CAMTA1: variants seen among roughly 807,000 people sequenced by gnomAD.
CAMTA1 encodes calmodulin-binding transcription activator 1.
In CAMTA1, 27 loss-of-function variants were observed where a neutral mutation model predicts 170.9. The observed-to-expected ratio is 0.16, with a 90% CI of 0.12 to 0.22. The LOEUF (loss-of-function observed/expected upper bound fraction) is 0.22, where lower values mean the gene tolerates loss of function less well. CAMTA1 is among the 10% of genes least tolerant of loss of function. The pLI, the probability that CAMTA1 is intolerant of heterozygous loss-of-function variation, is 1.00. For synonymous variants in CAMTA1, 833 were observed against 891.5 expected (o/e 0.93, Z 1.17); for missense variants, 1,619 against 2,217.2 (o/e 0.73, Z 5.42).
chr1:7,521,550 CT>C (rs1038730476), intron 6 of CAMTA1, among the ~76,000 whole-genome samples: 14 of 147,828 alleles, frequency 9.5e-5, no homozygotes, highest in East Asian at 3.9e-4. Flanking sequence ...TCCACAGTTC[CT>C]TTTTTTTTTC....
chr1:6,797,996 ATTT>A lies in CAMTA1; in HGVS notation c.45+12436_45+12438del, dbSNP rs375770205. Among the ~76,000 whole-genome samples, 259 of 141,736 alleles carry A rather than the reference ATTT, an allele frequency of 1.8e-3. 1 individual carries two copies. The highest frequency in any genetic ancestry group is 6.1e-3 in the African/African-American group (236 of 38,844). 93.0% of individuals were successfully genotyped at this position (141,736 alleles called of 152,430 possible). On this transcript the variant is annotated intron_variant, in intron 1 of 22. Coordinates refer to ENST00000303635, the MANE Select transcript of CAMTA1 (RefSeq NM_015215.4). Reference sequence around the variant, plus strand: ...TTTGCAAGTGATAATGAAGAAAGGAATTTTTTTTTTTTTTTTTGAGACAAAGTC... The same window carrying A: ...TTTGCAAGTGATAATGAAGAAAGGAATTTTTTTTTTTTTTGAGACAAAGTC...
chr1:7,398,189 C>CTATA (rs2089549485), intron 5 of CAMTA1, among the ~76,000 whole-genome samples: 9 of 32,318 alleles, frequency 2.8e-4, no homozygotes, highest in South Asian at 1.2e-3. Flanking sequence ...CTCTCTCTCT[C>CTATA]TCTCTATATA....
At chr1:6,855,822 G>A (rs1662117665) in intron 3 of CAMTA1, among the ~76,000 whole-genome samples, 1 of 152,166 alleles carries the variant, frequency 6.6e-6, no homozygotes, top group South Asian at 2.1e-4. Flanking sequence ...AGCAACTGCT[G>A]CCCCTGGGGC....
chr1:7,590,188 C>G lies in CAMTA1; in HGVS notation c.511-50212C>G, dbSNP rs558678133. On this transcript the variant is annotated intron_variant, in intron 6 of 22. Coordinates refer to ENST00000303635, the MANE Select transcript of CAMTA1 (RefSeq NM_015215.4). ...GAGGACATAAGCCCCCAACACGGCC[C>G]TCACAATCAAGGCAGCTCTAGGAGG... Among the ~76,000 whole-genome samples the G allele has an allele frequency of 4.0e-4, 61 of 152,340 alleles. 2 individuals carry two copies. The highest frequency in any genetic ancestry group is 3.4e-3 in the Admixed American group (52 of 15,300).
At chr1:6,888,016 C>G (rs988248117) in intron 3 of CAMTA1, 1 of 1,132,810 alleles carries the variant, frequency 8.8e-7, no homozygotes, top group Non-Finnish European at 1.1e-6. Context: ...ACTCTGTCCC[C>G]TCAGCAAGCT....
At chr1:7,586,811 G>A (rs1388638318) in intron 6 of CAMTA1, among the ~76,000 whole-genome samples, 2 of 152,114 alleles carry the variant, frequency 1.3e-5, no homozygotes, top group East Asian at 3.9e-4. Flanking sequence ...CTGTGCAGGG[G>A]TCATGTGGCT....
intron 6 of CAMTA1, among the ~76,000 whole-genome samples, chr1:7,546,989 A>T (rs958845596): frequency 1.3e-5 from 2 of 152,140 alleles, no homozygotes; most frequent in Non-Finnish European, 2.9e-5. Flanking sequence ...TCCCCATCAG[A>T]CTTTCAGTTT....
chr1:7,600,214 G>C (rs142115441), intron 6 of CAMTA1, among the ~76,000 whole-genome samples: 4 of 152,110 alleles, frequency 2.6e-5, no homozygotes, highest in Non-Finnish European at 2.9e-5. Context: ...GGTTTTTGTC[G>C]TTGGTTCTGT....
intron 6 of CAMTA1, among the ~76,000 whole-genome samples, chr1:7,546,446 T>G (rs1243560635): frequency 6.6e-6 from 1 of 152,236 alleles, no homozygotes; most frequent in Non-Finnish European, 1.5e-5. Context: ...CTATTGTGAA[T>G]AGTGCTGCAA....
intron 3 of CAMTA1, among the ~76,000 whole-genome samples, chr1:7,083,336 A>T (rs938256220): frequency 6.6e-6 from 1 of 152,252 alleles, no homozygotes; most frequent in African/African-American, 2.4e-5. Context: ...GTTGCATTCC[A>T]TGCAAATAAA....
chr1:6,871,808 T>C (rs1010020045), intron 3 of CAMTA1: 10 of 1,531,422 alleles, frequency 6.5e-6, no homozygotes, highest in Non-Finnish European at 8.7e-6. Flanking sequence ...TGTGTGACCC[T>C]TCACCTTTGA....
At chr1:7,078,083 A>T (rs966792482) in intron 3 of CAMTA1, among the ~76,000 whole-genome samples, 3 of 152,246 alleles carry the variant, frequency 2.0e-5, no homozygotes, top group Non-Finnish European at 4.4e-5. Flanking sequence ...ACGTGGCTAC[A>T]CAAAGACCAA....
chr1:7,257,080 G>GGGA (rs1553291583), intron 5 of CAMTA1, among the ~76,000 whole-genome samples: 1 of 150,572 alleles, frequency 6.6e-6, no homozygotes, highest in Non-Finnish European at 1.5e-5. Flanking sequence ...GCATGGCGGG[G>GGGA]GCGGGGGTTG....
At chr1:7,470,482 T>G (rs2149558477) in intron 6 of CAMTA1, among the ~76,000 whole-genome samples, 1 of 152,162 alleles carries the variant, frequency 6.6e-6, no homozygotes, top group East Asian at 1.9e-4. Context: ...GAAAAAGGAT[T>G]AGGTGGGGTC....
intron 6 of CAMTA1, among the ~76,000 whole-genome samples, chr1:7,545,714 G>A (rs558746209): frequency 2.0e-5 from 3 of 151,982 alleles, no homozygotes; most frequent in East Asian, 3.9e-4. Context: ...ATGTTAGGAT[G>A]TACCCTGGAT....
At chr1:7,155,272 A>C (rs1333813064) in intron 4 of CAMTA1, among the ~76,000 whole-genome samples, 2 of 150,424 alleles carry the variant, frequency 1.3e-5, no homozygotes, top group African/African-American at 4.9e-5. Flanking sequence ...AAAGTGAGAC[A>C]CTCAAAGCCT....
At chr1:7,765,766 G>A (rs181694119) in intron 22 of CAMTA1, among the ~76,000 whole-genome samples, 10 of 152,260 alleles carry the variant, frequency 6.6e-5, no homozygotes, top group Admixed American at 4.6e-4. Flanking sequence ...GGTGGCTCAC[G>A]CCTGTAATCC....
intron 5 of CAMTA1, among the ~76,000 whole-genome samples, chr1:7,252,112 C>T (rs1476047): frequency 0.56 from 85,340 of 151,960 alleles, 24,318 homozygotes; most frequent in Non-Finnish European, 0.61. Flanking sequence ...TTCTTATACA[C>T]GTCTTTTTGG....
At chr1:7,762,243 G>C (rs1299912894) in intron 22 of CAMTA1, among the ~76,000 whole-genome samples, 1 of 152,156 alleles carries the variant, frequency 6.6e-6, no homozygotes, top group Admixed American at 6.5e-5. Context: ...AATAACCAAG[G>C]AGAATCACCC....
Sources: gnomAD v4.1 joint callset for allele counts (sites outside exome capture counted in the v4.1 genomes callset) on GRCh38, gnomAD v4.1.1 for gene constraint, MANE v1.5 for transcripts, NCBI Gene and HGNC (gene_info 2026-07-23, HGNC 2026-07-21) for gene names.